Variants in DTNB observed in about 807,000 individuals in gnomAD.
The protein encoded by DTNB is DTN-B.
In DTNB, 63 loss-of-function variants were observed where a neutral mutation model predicts 90.7. That is an observed-to-expected ratio of 0.69 (90% CI 0.57 to 0.86). The LOEUF (loss-of-function observed/expected upper bound fraction) is 0.86. Among genes scored for constraint, DTNB ranks in the 40% least tolerant of loss-of-function variants. The probability of loss-of-function intolerance (pLI) is 0.00; values close to 1 mark genes in which losing one functional copy is unlikely to be tolerated. For synonymous variants in DTNB, 277 were observed against 286.7 expected (o/e 0.97, Z 0.34); for missense variants, 744 against 807.1 (o/e 0.92, Z 0.95).
intron 15 of DTNB, among the ~76,000 whole-genome samples, chr2:25,425,937 T>C (rs2051422514): frequency 6.6e-6 from 1 of 152,218 alleles, no homozygotes; most frequent in Non-Finnish European, 1.5e-5. Flanking sequence ...ATAGACTTCA[T>C]ATGCCTGTAG....
chr2:25,608,043 C>T lies in DTNB; in HGVS notation c.363-722G>A, dbSNP rs74631348. ...CGAGGCCCCTGACCCAAAGTGTCCACGGCTTCATTCACTCAACTATGCCCT... is the reference window on the plus strand; with the variant it reads ...CGAGGCCCCTGACCCAAAGTGTCCATGGCTTCATTCACTCAACTATGCCCT... On this transcript the variant is annotated intron_variant, in intron 4 of 20. Transcript: ENST00000406818. Among the ~76,000 whole-genome samples, 1,392 of 152,310 alleles carry T rather than the reference C, an allele frequency of 9.1e-3. 22 individuals carry two copies. Among genetic ancestry groups the T allele is most frequent in the African/African-American group, 0.032 (1,314 of 41,552 alleles).
At chr2:25,622,459 G>A (rs941057767) in intron 4 of DTNB, among the ~76,000 whole-genome samples, 5 of 152,142 alleles carry the variant, frequency 3.3e-5, no homozygotes, top group African/African-American at 9.7e-5. Flanking sequence ...GAGCCTGGAC[G>A]ACAGAAAAAT....
intron 1 of DTNB, among the ~76,000 whole-genome samples, chr2:25,655,445 T>A (rs934320660): frequency 1.3e-5 from 2 of 151,590 alleles, no homozygotes; most frequent in Admixed American, 1.3e-4. Context: ...CAACACAGTA[T>A]GATATGATGA....
intron 9 of DTNB, among the ~76,000 whole-genome samples, chr2:25,498,251 A>G (rs905239046): frequency 1.3e-5 from 2 of 152,234 alleles, no homozygotes; most frequent in African/African-American, 2.4e-5. Context: ...TGCCCGGGAA[A>G]TAATTCTATT....
chr2:25,432,437 G>A (rs755017669), intron 14 of DTNB, among the ~76,000 whole-genome samples: 1 of 152,166 alleles, frequency 6.6e-6, no homozygotes, highest in African/African-American at 2.4e-5. Context: ...AGGGTTTCAT[G>A]TCTCAGAGAT....
chr2:25,536,016 C>A (rs1185115104), intron 8 of DTNB, among the ~76,000 whole-genome samples: 1 of 151,098 alleles, frequency 6.6e-6, no homozygotes, highest in Non-Finnish European at 1.5e-5. Context: ...AGGCGCTCCT[C>A]ACCTCCCATT....
chr2:25,634,040 G>A (rs1223343728), intron 3 of DTNB, among the ~76,000 whole-genome samples: 1 of 151,958 alleles, frequency 6.6e-6, no homozygotes, highest in Admixed American at 6.5e-5. Context: ...GGGAAGTTAG[G>A]AGCGTCTACG....
chr2:25,609,530 G>A (rs191365933), intron 4 of DTNB, among the ~76,000 whole-genome samples: 4 of 151,082 alleles, frequency 2.6e-5, no homozygotes, highest in East Asian at 1.9e-4. Context: ...CCCAGGAGGC[G>A]GAGGTTGCAG....
intron 10 of DTNB, among the ~76,000 whole-genome samples, chr2:25,466,731 C>T (rs2061852276): frequency 6.6e-6 from 1 of 152,200 alleles, no homozygotes; most frequent in South Asian, 2.1e-4. Flanking sequence ...GTGACATTTT[C>T]TTATGGCACC....
At chr2:25,400,277 CTTGATAGGCACAGGCCAG>C (rs1254220979) in intron 16 of DTNB, among the ~76,000 whole-genome samples, 1 of 152,226 alleles carries the variant, frequency 6.6e-6, no homozygotes, top group Non-Finnish European at 1.5e-5. Flanking sequence ...CTTCTGTTTA[CTTGATAGGCACAGGCCAG>C]ACAGAACACA....
chr2:25,654,722 T>G (rs1282738157), intron 1 of DTNB, among the ~76,000 whole-genome samples: 1 of 152,182 alleles, frequency 6.6e-6, no homozygotes, highest in Non-Finnish European at 1.5e-5. Flanking sequence ...GGAAGCAATG[T>G]GGAATAACAA....
intron 6 of DTNB, among the ~76,000 whole-genome samples, chr2:25,589,720 A>T (rs1401559489): frequency 6.6e-6 from 1 of 152,136 alleles, no homozygotes; most frequent in East Asian, 1.9e-4. Flanking sequence ...AATTCCGTGC[A>T]AGGTGGGTTG....
At chr2:25,515,991 T>C (rs1230578672) in intron 9 of DTNB, among the ~76,000 whole-genome samples, 4 of 152,194 alleles carry the variant, frequency 2.6e-5, no homozygotes, top group Non-Finnish European at 5.9e-5. Context: ...TTTATGTAAA[T>C]ATTTTTAAGT....
chr2:25,426,499 A>G (rs897764753), intron 15 of DTNB: 1 of 152,282 alleles, frequency 6.6e-6, no homozygotes, highest in Non-Finnish European at 1.5e-5. Flanking sequence ...GCCCTCAGAC[A>G]TGTGAGCTCC....
At chr2:25,501,708 G>C (rs917697043) in intron 9 of DTNB, among the ~76,000 whole-genome samples, 1 of 152,088 alleles carries the variant, frequency 6.6e-6, no homozygotes, top group Non-Finnish European at 1.5e-5. Flanking sequence ...TTAGGGTTCA[G>C]ACAAACTAAA....
intron 1 of DTNB, among the ~76,000 whole-genome samples, chr2:25,666,476 ATTATAC>A (rs33934212): frequency 0.27 from 41,562 of 151,860 alleles, 6,399 homozygotes; most frequent in Non-Finnish European, 0.36. Context: ...AATGCCCATT[ATTATAC>A]TTATTCTTGT....
chr2:25,423,713 G>A (rs1287254089), intron 15 of DTNB, among the ~76,000 whole-genome samples: 2 of 151,676 alleles, frequency 1.3e-5, no homozygotes, highest in Admixed American at 6.6e-5. Context: ...AGGCTGGGGT[G>A]CAGTGGTGTG....
At chr2:25,578,231 A>G (rs1391956646) in intron 7 of DTNB, among the ~76,000 whole-genome samples, 3 of 152,238 alleles carry the variant, frequency 2.0e-5, no homozygotes, top group Non-Finnish European at 2.9e-5. Context: ...CTAGGGACTA[A>G]AAGAAAACTA....
chr2:25,463,130 C>T (rs2150225627), intron 10 of DTNB, among the ~76,000 whole-genome samples: 1 of 152,302 alleles, frequency 6.6e-6, no homozygotes, highest in Admixed American at 6.5e-5. Flanking sequence ...CCCTTGGGTG[C>T]CCAATGGGCA....
Sources: allele counts gnomAD v4.1 joint callset (sites outside exome capture counted in the v4.1 genomes callset), GRCh38; gene constraint gnomAD v4.1.1; transcripts MANE v1.5; gene names NCBI Gene and HGNC (gene_info 2026-07-23, HGNC 2026-07-21).